The following MED12L variants were observed in gnomAD, a reference collection of about 807,000 sequenced individuals.
MED12L encodes mediator of RNA polymerase II transcription subunit 12-like protein.
A neutral mutation model predicts 281.3 loss-of-function variants in MED12L; 60 were observed. That is an observed-to-expected ratio of 0.21 (90% CI 0.17 to 0.26). The LOEUF is 0.26. Among genes scored for constraint, MED12L ranks in the 10% least tolerant of loss-of-function variants. MED12L has a pLI of 1.00. For missense variants in MED12L, 2,146 were observed against 2,680.9 expected (o/e 0.80, Z 4.41); for synonymous variants, 974 against 987.2 (o/e 0.99, Z 0.25).
In MED12L at chr3:151,175,302, C is replaced by T. The variant is rs368510245; in HGVS notation, c.1494+9320C>T. Reference sequence around the variant, plus strand: ...GAATAATATCTTCTCCAAATTTGACCATTTTGTTTGACCTTGACTAAGTGA... The same window carrying T: ...GAATAATATCTTCTCCAAATTTGACTATTTTGTTTGACCTTGACTAAGTGA... On this transcript the variant is annotated intron_variant, in intron 11 of 44. Transcript: ENST00000687756. 4.6e-5 allele frequency among the ~76,000 whole-genome samples: 7 copies of T among 152,172 alleles called. No individual in the cohort carries two copies. The East Asian group carries it at 1.2e-3, about 25-fold the overall frequency.
At chr3:151,377,535 A>T (rs773876354) in intron 30 of MED12L, among the ~76,000 whole-genome samples, 3 of 152,210 alleles carry the variant, frequency 2.0e-5, no homozygotes, top group Non-Finnish European at 4.4e-5. Context: ...TTTTGTGCAG[A>T]ATTAGAACCA....
chr3:151,129,230 G>A (rs761804021), intron 5 of MED12L, among the ~76,000 whole-genome samples: 3 of 152,176 alleles, frequency 2.0e-5, no homozygotes, highest in Non-Finnish European at 4.4e-5. Flanking sequence ...GTGGGGAGTG[G>A]TGTGATTGGA....
intron 11 of MED12L, among the ~76,000 whole-genome samples, chr3:151,178,118 A>C (rs1722273898): frequency 7.2e-6 from 1 of 138,554 alleles, no homozygotes; most frequent in Admixed American, 7.9e-5. Flanking sequence ...AGGTTGTGCC[A>C]CTACACTCCA....
chr3:151,362,170 A>G (rs1325703638), intron 21 of MED12L, among the ~76,000 whole-genome samples: 1 of 151,958 alleles, frequency 6.6e-6, no homozygotes. Context: ...ACCATTGCAG[A>G]GTTCTTCTAA....
intron 37 of MED12L, 145 bp from the exon 38 acceptor site, chr3:151,389,834 C>T (rs1433099451): frequency 1.2e-5 from 8 of 675,082 alleles, no homozygotes; most frequent in Non-Finnish European, 1.7e-5. Flanking sequence ...TTTATTAGCA[C>T]TCTTCCTTCC....
intron 16 of MED12L, among the ~76,000 whole-genome samples, chr3:151,302,829 T>TA (rs1369843417): frequency 6.6e-6 from 1 of 152,150 alleles, no homozygotes; most frequent in Non-Finnish European, 1.5e-5. Flanking sequence ...CTGGAGTTTA[T>TA]AAAGAAGAGA....
intron 16 of MED12L, among the ~76,000 whole-genome samples, chr3:151,301,858 T>C (rs76418462): frequency 0.014 from 2,131 of 152,286 alleles, 45 homozygotes; most frequent in African/African-American, 0.048. Context: ...TCTTAAAAAG[T>C]TAAAATCAAA....
At chr3:151,199,756 C>A (rs1365141246) in intron 16 of MED12L, among the ~76,000 whole-genome samples, 2 of 151,994 alleles carry the variant, frequency 1.3e-5, no homozygotes, top group African/African-American at 4.8e-5. Flanking sequence ...GATAAGTGAA[C>A]CGAGATTCTG....
intron 11 of MED12L, among the ~76,000 whole-genome samples, chr3:151,182,688 C>T (rs1722845910): frequency 6.6e-6 from 1 of 152,142 alleles, no homozygotes; most frequent in African/African-American, 2.4e-5. Context: ...GAGAAGGACT[C>T]TCAGCTTTCT....
At chr3:151,259,759 G>T (rs1451123667) in intron 16 of MED12L, among the ~76,000 whole-genome samples, 6 of 152,128 alleles carry the variant, frequency 3.9e-5, no homozygotes, top group Non-Finnish European at 8.8e-5. Context: ...ACTTAAACGA[G>T]CTCATAGCAT....
At chr3:151,220,569 G>A (rs912644571) in intron 16 of MED12L, among the ~76,000 whole-genome samples, 1 of 152,192 alleles carries the variant, frequency 6.6e-6, no homozygotes, top group Non-Finnish European at 1.5e-5. Flanking sequence ...AATTATGGGG[G>A]TGGGTCTTTC....
At chr3:151,219,451 T>C (rs1428776105) in intron 16 of MED12L, 1 of 152,238 alleles carries the variant, frequency 6.6e-6, no homozygotes, top group African/African-American at 2.4e-5. Flanking sequence ...TAATTCCTTC[T>C]GTGAAGAAAA....
intron 16 of MED12L, among the ~76,000 whole-genome samples, chr3:151,243,102 A>G (rs1229506390): frequency 6.6e-6 from 1 of 151,392 alleles, no homozygotes; most frequent in Non-Finnish European, 1.5e-5. Flanking sequence ...GCCTCCAAGA[A>G]ATATGGGGCT....
intron 16 of MED12L, among the ~76,000 whole-genome samples, chr3:151,206,312 G>A (rs975873196): frequency 3.0e-4 from 45 of 151,774 alleles, no homozygotes; most frequent in Non-Finnish European, 6.2e-4. Flanking sequence ...GAAATGATTT[G>A]AAGGCAAATT....
chr3:151,244,872 C>T (rs1488142571), intron 16 of MED12L, among the ~76,000 whole-genome samples: 1 of 151,688 alleles, frequency 6.6e-6, no homozygotes, highest in African/African-American at 2.4e-5. Flanking sequence ...AGACCGCTAG[C>T]AAGACTAATA....
intron 43 of MED12L, chr3:151,425,785 T>C (rs969255673): frequency 6.6e-6 from 3 of 456,214 alleles, no homozygotes; most frequent in African/African-American, 2.0e-5. Context: ...TGTTTGCTAA[T>C]AGAGGCATTT....
At chr3:151,325,574 T>C (rs914761362) in intron 16 of MED12L, among the ~76,000 whole-genome samples, 1 of 152,208 alleles carries the variant, frequency 6.6e-6, no homozygotes, top group Non-Finnish European at 1.5e-5. Context: ...GTGAAAGTGA[T>C]TTTAAGATCT....
rs538538752 is a variant in MED12L at position 151,354,415 on chromosome 3, A to G, written c.2399-706A>G. On this transcript the variant is annotated intron_variant, in intron 17 of 44. Coordinates refer to ENST00000687756, the MANE Select transcript of MED12L (RefSeq NM_001393769.1). ...CATGTCACTTCTTCATTAATGTGGA[A>G]TGATTTAATTTTTTGCCACTATTAA... is the stretch of plus-strand genomic sequence containing the variant. Among the ~76,000 whole-genome samples the G allele has an allele frequency of 1.3e-3, 205 of 152,212 alleles. 2 individuals carry two copies. The highest frequency in any genetic ancestry group is 4.7e-3 in the African/African-American group (197 of 41,528).
chr3:151,369,112 G>A (rs1048097205), intron 25 of MED12L, among the ~76,000 whole-genome samples: 6 of 152,170 alleles, frequency 3.9e-5, no homozygotes, highest in South Asian at 2.1e-4. Context: ...TTTTAGGGGC[G>A]TTGGTGAAGT....
Sources: allele counts gnomAD v4.1 joint callset (sites outside exome capture counted in the v4.1 genomes callset), GRCh38; gene constraint gnomAD v4.1.1; transcripts MANE v1.5; gene names NCBI Gene and HGNC (gene_info 2026-07-23, HGNC 2026-07-21).